Variants in ADGRD1 observed in about 807,000 individuals in gnomAD.
ADGRD1 encodes adhesion G protein-coupled receptor D1, also known as G-protein coupled receptor 133.
In ADGRD1, 77 loss-of-function variants were observed where a neutral mutation model predicts 113.4. The observed-to-expected ratio is 0.68, with a 90% confidence interval of 0.57 to 0.82. ADGRD1 has a LOEUF of 0.82. ADGRD1 is among the 40% of genes least tolerant of loss of function. The probability of loss-of-function intolerance (pLI) is 0.00; values close to 1 mark genes in which losing one functional copy is unlikely to be tolerated. For synonymous variants in ADGRD1, 474 were observed against 475.0 expected (o/e 1.00, Z 0.03); for missense variants, 1,036 against 1,139.1 (o/e 0.91, Z 1.30).
chr12:130,976,432 G>A (rs1036206050), intron 4 of ADGRD1, among the ~76,000 whole-genome samples: 3 of 152,156 alleles, frequency 2.0e-5, no homozygotes, highest in Non-Finnish European at 4.4e-5. Flanking sequence ...GCAACTGCAG[G>A]TTCCCAGGCC....
intron 19 of ADGRD1, among the ~76,000 whole-genome samples, chr12:131,120,075 T>G (rs975107457): frequency 2.0e-5 from 3 of 152,166 alleles, no homozygotes; most frequent in African/African-American, 7.2e-5. Context: ...GGGGCAGACC[T>G]GCTGCTCAGT....
At chr12:131,095,665 G>C (rs894604945) in intron 15 of ADGRD1, among the ~76,000 whole-genome samples, 1 of 152,216 alleles carries the variant, frequency 6.6e-6, no homozygotes, top group Non-Finnish European at 1.5e-5. Context: ...GGGTCGCTTT[G>C]CGGGGCAGCT....
intron 20 of ADGRD1, among the ~76,000 whole-genome samples, chr12:131,123,827 A>G (rs1177088227): frequency 6.7e-6 from 1 of 148,270 alleles, no homozygotes; most frequent in African/African-American, 2.5e-5. Context: ...CTCCGTCTCA[A>G]AAAAAAAAAA....
chr12:131,000,839 G>A (rs1876298034), intron 9 of ADGRD1, among the ~76,000 whole-genome samples: 1 of 151,816 alleles, frequency 6.6e-6, no homozygotes. Flanking sequence ...TCCTAGAAGT[G>A]GCATAATATG....
intron 15 of ADGRD1, among the ~76,000 whole-genome samples, 167 bp from the exon 16 acceptor site, chr12:131,104,664 C>T (rs925629050): frequency 2.0e-5 from 3 of 152,130 alleles, no homozygotes. Context: ...ACCCCAGCAC[C>T]GGCCTCTGTC....
At chr12:131,006,119 G>T (rs1177405887) in intron 12 of ADGRD1, 72 bp downstream of exon 12, 2 of 1,264,638 alleles carry the variant, frequency 1.6e-6, no homozygotes, top group Non-Finnish European at 2.3e-6. Flanking sequence ...CCACAGGGAT[G>T]CCCGCCCCAC....
Position 131,113,451 on chromosome 12 carries a change from G to A in ADGRD1, c.2041+4574G>A, listed in dbSNP as rs1358800795. ...CTGTGCATTGACACTTAGCATTCTC[G>A]CAGTTGTTGTAAAACACTGACCAGA... On this transcript the variant is annotated intron_variant, in intron 18 of 24. Coordinates refer to ENST00000261654, the MANE Select transcript of ADGRD1 (RefSeq NM_198827.5). The surrounding 1 kb of genome is among the most constrained non-coding windows in gnomAD (Gnocchi z 4.9). Among the ~76,000 whole-genome samples the A allele has an allele frequency of 5.3e-5, 8 of 152,154 alleles. 1 individual carries two copies. Among genetic ancestry groups the A allele is most frequent in the Admixed American group, 3.3e-4 (5 of 15,288 alleles).
intron 14 of ADGRD1, among the ~76,000 whole-genome samples, chr12:131,081,787 A>G (rs1886088618): frequency 2.0e-5 from 3 of 151,488 alleles, no homozygotes; most frequent in South Asian, 2.1e-4. Flanking sequence ...CTAGTATCAT[A>G]CTCCTTTAAC....
rs1349144654 is a variant in ADGRD1, at chr12:130,996,233, C to CG, written c.966+3841_966+3842insG. 7.1e-3 allele frequency among the ~76,000 whole-genome samples: 1,004 copies of CG among 141,174 alleles called. 69 individuals carry two copies. The highest frequency in any genetic ancestry group is 0.025 in the African/African-American group (932 of 36,684). The allele number at this position is 141,174 out of a possible 152,430, so 92.6% of individuals were successfully genotyped here. ...TCTCAATCTTTTCCCCACCTTTCCC[C>CG]CTTTCTATTCCACAAAGCCGCGATT... On this transcript the variant is annotated intron_variant, in intron 8 of 24. Transcript: ENST00000261654.
chr12:131,001,395 G>C (rs568595939), intron 9 of ADGRD1, among the ~76,000 whole-genome samples: 1 of 152,302 alleles, frequency 6.6e-6, no homozygotes, highest in African/African-American at 2.4e-5. Flanking sequence ...TCCTAAAACT[G>C]AGATTATTAA....
Position 131,003,958 on chromosome 12 carries a change from G to T in ADGRD1, c.1145-228G>T, listed in dbSNP as rs573574316. Among the ~76,000 whole-genome samples, 1 of 151,844 alleles carries T rather than the reference G, an allele frequency of 6.6e-6. No individual in the cohort carries two copies. Among genetic ancestry groups the T allele is most frequent in the Non-Finnish European group, 1.5e-5 (1 of 67,988 alleles). ...GGGCGCCCCAGGTGAGGAGCCGCGC[G>T]CCCGTGGGCCGGAATGCTGAGCCTC... is the stretch of plus-strand genomic sequence containing the variant. On this transcript the variant is annotated intron_variant, in intron 10 of 24. Coordinates refer to ENST00000261654, the MANE Select transcript of ADGRD1 (RefSeq NM_198827.5). This position sits in a 1 kb window ranked among gnomAD's most constrained non-coding sequence, Gnocchi z 4.8.
intron 13 of ADGRD1, among the ~76,000 whole-genome samples, chr12:131,054,237 C>T (rs1348717776): frequency 1.3e-5 from 2 of 152,224 alleles, no homozygotes; most frequent in South Asian, 2.1e-4. Context: ...TGTGTCACCC[C>T]GAAAGTTCCC....
At chr12:131,076,549 G>A (rs958345222) in intron 13 of ADGRD1, among the ~76,000 whole-genome samples, 2 of 152,016 alleles carry the variant, frequency 1.3e-5, no homozygotes, top group Non-Finnish European at 2.9e-5. Context: ...CTAGGAGGAG[G>A]AGTGTCCTAG....
chr12:131,089,757 G>A (rs1415473832), intron 15 of ADGRD1, among the ~76,000 whole-genome samples: 1 of 152,246 alleles, frequency 6.6e-6, no homozygotes, highest in Non-Finnish European at 1.5e-5. Flanking sequence ...ACACGAGTGA[G>A]GTGCTGTCAT....
chr12:130,992,307 G>T lies in ADGRD1; in HGVS notation c.881G>T (p.Gly294Val). Residue 294 changes from glycine to valine, a missense_variant, in exon 8 of 25, where the codon GGA becomes GTA. Physicochemically the swap from Gly to Val is moderately radical, Grantham distance 109. Transcript: ENST00000261654. ...TEERKTFQSP[G>V]VILSYLQNVS... ...GAGAGAAAAACCTTCCAAAGTCCCG[G>T]AGTGATACTGAGTTACCTCCAAAAT... 12 of 1,612,956 alleles carry T rather than the reference G, an allele frequency of 7.4e-6. No individual in the cohort carries two copies. The highest frequency in any genetic ancestry group is 1.0e-5 in the Non-Finnish European group (12 of 1,179,112).
chr12:131,125,017 T>C (rs1950708392), intron 20 of ADGRD1, among the ~76,000 whole-genome samples: 1 of 152,182 alleles, frequency 6.6e-6, no homozygotes, highest in South Asian at 2.1e-4. Flanking sequence ...CCTTAGCTTG[T>C]AGATAACTGT....
chr12:131,110,962 A>C (rs1245872175), intron 18 of ADGRD1, among the ~76,000 whole-genome samples: 1 of 152,162 alleles, frequency 6.6e-6, no homozygotes, highest in African/African-American at 2.4e-5. Context: ...TGTTTCTCAT[A>C]ATAAGTCAAA....
intron 8 of ADGRD1, chr12:130,994,178 T>C (rs1264371285): frequency 2.5e-6 from 1 of 397,284 alleles, no homozygotes; most frequent in African/African-American, 2.0e-5. Flanking sequence ...GGGTGTTGGG[T>C]GGAAAGAGCG....
chr12:131,035,499 C>T (rs548189081), intron 13 of ADGRD1: 125 of 152,370 alleles, frequency 8.2e-4, no homozygotes, highest in African/African-American at 2.9e-3. Flanking sequence ...ACTTCAGTAG[C>T]GTCTGTTTTC....
Sources: gnomAD v4.1 joint callset for allele counts (sites outside exome capture counted in the v4.1 genomes callset) on GRCh38, gnomAD v4.1.1 for gene constraint, Gnocchi (gnomAD v3.1) non-coding constraint, MANE v1.5 for transcripts, NCBI Gene and HGNC (gene_info 2026-07-23, HGNC 2026-07-21) for gene names.